The following STK33 variants were observed in gnomAD, a reference collection of about 807,000 sequenced individuals.
The protein encoded by STK33 is serine/threonine-protein kinase 33.
A neutral mutation model predicts 58.0 loss-of-function variants in STK33; 52 were observed. The observed-to-expected ratio is 0.90, with a 90% confidence interval of 0.72 to 1.13. The LOEUF (loss-of-function observed/expected upper bound fraction) is 1.13, where lower values mean the gene tolerates loss of function less well. Among genes scored for constraint, STK33 ranks in the 50% most tolerant of loss-of-function variants. STK33 has a pLI of 0.00. For synonymous variants in STK33, 215 were observed against 200.1 expected, an observed-to-expected ratio of 1.07 and a Z score of -0.63; for missense variants, 630 against 604.2, an observed-to-expected ratio of 1.04 and a Z score of -0.45.
chr11:8,505,915 C>T (rs527791191), intron 1 of STK33, among the ~76,000 whole-genome samples: 3 of 152,148 alleles, frequency 2.0e-5, no homozygotes, highest in Non-Finnish European at 4.4e-5. Flanking sequence ...CTCTGTTAGC[C>T]TTCGTTTACT....
At chr11:8,489,652 T>G (rs998894773) in intron 1 of STK33, among the ~76,000 whole-genome samples, 1 of 152,212 alleles carries the variant, frequency 6.6e-6, no homozygotes, top group African/African-American at 2.4e-5. Context: ...AGAGCTCTTA[T>G]GACCTAATCA....
chr11:8,343,617 T>A, the STK33 span, among the ~76,000 whole-genome samples: 4 of 152,202 alleles, frequency 2.6e-5, no homozygotes, highest in Non-Finnish European at 5.9e-5. Context: ...GCTGCAGAGA[T>A]GCATTCGCGC....
intron 1 of STK33, among the ~76,000 whole-genome samples, chr11:8,489,266 A>G (rs1353432838): frequency 1.1e-5 from 1 of 93,086 alleles, no homozygotes; most frequent in Non-Finnish European, 2.2e-5. Context: ...CCAAAAAAAA[A>G]AAAAAGAAAA....
chr11:8,355,434 G>A, the STK33 span, among the ~76,000 whole-genome samples: 2 of 152,246 alleles, frequency 1.3e-5, no homozygotes, highest in Non-Finnish European at 2.9e-5. Flanking sequence ...AGGTCGAAGT[G>A]AGGAGATGCT....
chr11:8,354,414 C>T, the STK33 span, among the ~76,000 whole-genome samples: 5 of 151,006 alleles, frequency 3.3e-5, no homozygotes, highest in Admixed American at 6.6e-5. Context: ...TGCTCATACT[C>T]AGAGCTAGAA....
intron 9 of STK33, 62 bp downstream of exon 9, chr11:8,457,279 C>A: frequency 7.2e-7 from 1 of 1,395,704 alleles, no homozygotes; most frequent in Non-Finnish European, 9.6e-7. Flanking sequence ...AATACAATTA[C>A]CCTTAAACAA....
intron 1 of STK33, among the ~76,000 whole-genome samples, chr11:8,580,008 A>G (rs1197588288): frequency 6.6e-6 from 1 of 152,140 alleles, no homozygotes; most frequent in Non-Finnish European, 1.5e-5. Context: ...ACCTTCATAC[A>G]CTGTTTTTGG....
intron 1 of STK33, among the ~76,000 whole-genome samples, chr11:8,542,558 T>C (rs964794396): frequency 5.3e-5 from 8 of 152,144 alleles, no homozygotes; most frequent in African/African-American, 1.4e-4. Flanking sequence ...CCAAAATGCA[T>C]ATGGCTGCAC....
chr11:8,580,577 T>C lies in STK33; in HGVS notation c.-466+13506A>G, dbSNP rs145014573. Among the ~76,000 whole-genome samples the C allele has an allele frequency of 6.2e-3, 946 of 152,192 alleles. 8 individuals are homozygous for C. Among genetic ancestry groups the C allele is most frequent in the Non-Finnish European group, 0.011 (757 of 67,984 alleles). On this transcript the variant is annotated intron_variant, in intron 1 of 15. Coordinates refer to ENST00000687296, the MANE Select transcript of STK33 (RefSeq NM_001352389.2). Reference sequence around the variant, plus strand: ...ATTTGATAGCACAACAGGATGACTATAGTCAAATAATTTAATTGTACATTT... The same window carrying C: ...ATTTGATAGCACAACAGGATGACTACAGTCAAATAATTTAATTGTACATTT...
intron 1 of STK33, among the ~76,000 whole-genome samples, chr11:8,531,813 G>A (rs1954575579): frequency 6.6e-6 from 1 of 152,144 alleles, no homozygotes; most frequent in Non-Finnish European, 1.5e-5. Context: ...ATCTTGATAG[G>A]AATGTCAAAA....
At chr11:8,440,038 T>C (rs1409016968) in intron 12 of STK33, among the ~76,000 whole-genome samples, 1 of 150,884 alleles carries the variant, frequency 6.6e-6, no homozygotes, top group Non-Finnish European at 1.5e-5. Flanking sequence ...GACCCTGCAA[T>C]AGTCTAGAAA....
intron 15 of STK33, among the ~76,000 whole-genome samples, chr11:8,396,690 G>T (rs1018800441): frequency 1.3e-5 from 2 of 152,208 alleles, no homozygotes; most frequent in Non-Finnish European, 2.9e-5. Context: ...AAGCGCAAGG[G>T]GTCAGGGAAT....
intron 9 of STK33, among the ~76,000 whole-genome samples, chr11:8,455,810 CAAAAAAAAAAAAAA>C (rs1156835375): frequency 2.1e-5 from 1 of 47,118 alleles, no homozygotes; most frequent in South Asian, 1.0e-3. Context: ...GACTCTGTCT[CAAAAAAAAAAAAAA>C]AAAAAAAAAA....
At chr11:8,540,932 T>C (rs933738418) in intron 1 of STK33, among the ~76,000 whole-genome samples, 1 of 151,762 alleles carries the variant, frequency 6.6e-6, no homozygotes, top group Non-Finnish European at 1.5e-5. Flanking sequence ...AGATGAGATA[T>C]GTGAATCGGC....
intron 6 of STK33, among the ~76,000 whole-genome samples, chr11:8,468,098 C>T (rs1372490826): frequency 1.3e-5 from 2 of 152,192 alleles, no homozygotes; most frequent in African/African-American, 2.4e-5. Flanking sequence ...ATTGGACTTA[C>T]AGTTCCACAT....
At chr11:8,457,287 CA>C in intron 9 of STK33, 53 bp downstream of exon 9, 1 of 1,425,210 alleles carries the variant, frequency 7.0e-7, no homozygotes, top group Non-Finnish European at 9.4e-7. Flanking sequence ...TACCCTTAAA[CA>C]AAAGTGACAT....
chr11:8,435,899 A>G (rs1944003963), intron 13 of STK33, 128 bp downstream of exon 13: 2 of 530,768 alleles, frequency 3.8e-6, no homozygotes, highest in African/African-American at 2.0e-5. Context: ...TATTTCCACA[A>G]GTAAATAGTG....
chr11:8,479,694 T>G (rs1469677583), intron 2 of STK33, among the ~76,000 whole-genome samples: 1 of 151,882 alleles, frequency 6.6e-6, no homozygotes, highest in African/African-American at 2.4e-5. Flanking sequence ...AATACAAAAA[T>G]TAGCCAGTCG....
At chr11:8,343,990 C>T in the STK33 span, among the ~76,000 whole-genome samples, 4 of 152,310 alleles carry the variant, frequency 2.6e-5, no homozygotes, top group East Asian at 1.9e-4. Flanking sequence ...CCCCAGTCCA[C>T]GGCTCCTTCT....
Sources: allele counts gnomAD v4.1 joint callset (sites outside exome capture counted in the v4.1 genomes callset), GRCh38; gene constraint gnomAD v4.1.1; transcripts MANE v1.5; gene names NCBI Gene and HGNC (gene_info 2026-07-23, HGNC 2026-07-21).